CFAP58: variants seen among roughly 807,000 people sequenced by gnomAD.
CFAP58 encodes the protein cilia and flagella associated protein 58.
A neutral mutation model predicts 119.5 loss-of-function variants in CFAP58; 88 were observed. The ratio of observed to expected loss-of-function variants is 0.74; its 90% CI spans 0.62 to 0.88. The LOEUF (loss-of-function observed/expected upper bound fraction) is 0.88, where lower values mean the gene tolerates loss of function less well. Ranked by LOEUF, CFAP58 falls within the 40% of genes least tolerant of loss-of-function variation. The pLI, the probability that CFAP58 is intolerant of heterozygous loss-of-function variation, is 0.00. For synonymous variants in CFAP58, 365 were observed against 366.3 expected, an observed-to-expected ratio of 1.00 and a Z score of 0.04; for missense variants, 990 against 1,021.2, an observed-to-expected ratio of 0.97 and a Z score of 0.42.
At chr10:104,359,137 A>G (rs1340622182) in intron 2 of CFAP58, among the ~76,000 whole-genome samples, 1 of 152,154 alleles carries the variant, frequency 6.6e-6, no homozygotes, top group Non-Finnish European at 1.5e-5. Context: ...GATACTGAGG[A>G]TGTATTGCTT....
chr10:104,372,081 GGT>G (rs1233064107), intron 7 of CFAP58, among the ~76,000 whole-genome samples: 2 of 152,138 alleles, frequency 1.3e-5, no homozygotes, highest in Non-Finnish European at 2.9e-5. Context: ...GGCAAAGCAC[GGT>G]GTCTCATGCC....
At chr10:104,368,713 G>C (rs564685853) in intron 6 of CFAP58, among the ~76,000 whole-genome samples, 153 bp downstream of exon 6, 121 of 152,300 alleles carry the variant, frequency 7.9e-4, no homozygotes, top group African/African-American at 2.8e-3. Flanking sequence ...GATTGCTTTA[G>C]GCCCAGAAGC....
rs74689562 is a variant in CFAP58 at position 104,441,303 on chromosome 10, G to A, written c.2257-6395G>A. Among the ~76,000 whole-genome samples, 190 of 152,274 alleles carry A rather than the reference G, an allele frequency of 1.2e-3. No homozygotes were observed. In the East Asian group the frequency reaches 0.034, roughly 28 times the overall value. ...CAGGCGTGAGCCACCGTACCCAGCC[G>A]ACCTTACTGATCTTTGTGTGAACCT... On this transcript the variant is annotated intron_variant, in intron 15 of 17. Transcript: ENST00000369704.
At chr10:104,379,548 G>A (rs1158744036) in intron 8 of CFAP58, among the ~76,000 whole-genome samples, 1 of 152,152 alleles carries the variant, frequency 6.6e-6, no homozygotes, top group Non-Finnish European at 1.5e-5. Context: ...GTTAATTCTA[G>A]GTATCTGCAT....
intron 15 of CFAP58, among the ~76,000 whole-genome samples, chr10:104,415,607 A>G (rs2012538912): frequency 6.6e-6 from 1 of 152,150 alleles, no homozygotes; most frequent in Admixed American, 6.5e-5. Flanking sequence ...TGTCAGCTCA[A>G]AATCATGAAA....
At chr10:104,418,011 GA>G (rs915962190) in intron 15 of CFAP58, among the ~76,000 whole-genome samples, 16 of 152,202 alleles carry the variant, frequency 1.1e-4, no homozygotes, top group African/African-American at 3.6e-4. Flanking sequence ...TAAGTGATTA[GA>G]AAAAAATCAC....
At chr10:104,338,922 T>TTTTG in the CFAP58 span, among the ~76,000 whole-genome samples, 1 of 151,776 alleles carries the variant, frequency 6.6e-6, no homozygotes. Flanking sequence ...TTTTTTTTTT[T>TTTTG]GAGAAGGAGT....
At chr10:104,418,524 G>C (rs1327471375) in intron 15 of CFAP58, among the ~76,000 whole-genome samples, 4 of 152,154 alleles carry the variant, frequency 2.6e-5, no homozygotes, top group African/African-American at 9.7e-5. Flanking sequence ...GTCCGGCCTG[G>C]GTGAAAGAGC....
intron 3 of CFAP58, among the ~76,000 whole-genome samples, chr10:104,363,847 A>T (rs2014704652): frequency 6.6e-6 from 1 of 152,228 alleles, no homozygotes. Context: ...CTGCAGTGCA[A>T]GTTCTCCTCT....
intron 15 of CFAP58, among the ~76,000 whole-genome samples, chr10:104,432,041 C>A (rs2012855708): frequency 2.0e-5 from 3 of 152,078 alleles, no homozygotes; most frequent in Admixed American, 2.0e-4. Flanking sequence ...GTACAAGTTT[C>A]CTGTACACAT....
intron 15 of CFAP58, among the ~76,000 whole-genome samples, chr10:104,445,878 C>G (rs774126738): frequency 6.6e-6 from 1 of 152,174 alleles, no homozygotes; most frequent in Non-Finnish European, 1.5e-5. Context: ...GAGAATTACA[C>G]CTGTGAAACA....
chr10:104,382,174 A>G (rs1446083016), intron 9 of CFAP58: 1 of 717,224 alleles, frequency 1.4e-6, no homozygotes, highest in Non-Finnish European at 2.6e-6. Flanking sequence ...GAAATGGTGA[A>G]ACAGTGGACC....
rs558972553 is a variant in CFAP58 at position 104,440,329 on chromosome 10, A to AG, written c.2257-7368dup. ...ATAGGAAAAAAAAATTCTTTGGAAT[A>AG]GCCAATTAAGTTGAATTTTAAAAAA... is the stretch of plus-strand genomic sequence containing the variant. On this transcript the variant is annotated intron_variant, in intron 15 of 17. Transcript: ENST00000369704. 6.9e-5 allele frequency among the ~76,000 whole-genome samples: 9 copies of AG among 130,776 alleles called. No homozygotes were observed. In the South Asian group the frequency reaches 1.7e-3, roughly 24 times the overall value. 85.8% of individuals were successfully genotyped at this position (130,776 alleles called of 152,430 possible).
intron 5 of CFAP58, 72 bp downstream of exon 5, chr10:104,366,080 C>A: frequency 1.5e-6 from 2 of 1,309,808 alleles, no homozygotes; most frequent in Non-Finnish European, 2.0e-6. Context: ...CCCTTTTGTG[C>A]ATTTTGAATT....
At chr10:104,391,659 T>A (rs1389999383) in intron 9 of CFAP58, among the ~76,000 whole-genome samples, 1 of 152,198 alleles carries the variant, frequency 6.6e-6, no homozygotes, top group Non-Finnish European at 1.5e-5. Context: ...AGGCAGTAGT[T>A]CTTGCATCCC....
chr10:104,357,122 C>A (rs1266831526), intron 1 of CFAP58, among the ~76,000 whole-genome samples: 1 of 152,106 alleles, frequency 6.6e-6, no homozygotes, highest in African/African-American at 2.4e-5. Flanking sequence ...TTCAAAATAC[C>A]TTTTTGGGGG....
At chr10:104,427,570 G>T (rs1173518565) in intron 15 of CFAP58, among the ~76,000 whole-genome samples, 1 of 152,140 alleles carries the variant, frequency 6.6e-6, no homozygotes, top group Non-Finnish European at 1.5e-5. Flanking sequence ...CTCATTTAGT[G>T]CTCACACCGA....
At chr10:104,426,784 T>A (rs1379300626) in intron 15 of CFAP58, among the ~76,000 whole-genome samples, 1 of 152,230 alleles carries the variant, frequency 6.6e-6, no homozygotes, top group African/African-American at 2.4e-5. Context: ...CTTGTTTGTA[T>A]CCAACCTATC....
Position 104,380,041 on chromosome 10 carries a change from G to A in CFAP58, c.1186G>A (p.Ala396Thr). The A allele has an allele frequency of 6.2e-7, 1 of 1,613,766 alleles. No individual in the cohort carries two copies. Among genetic ancestry groups the A allele is most frequent in the Non-Finnish European group, 8.5e-7 (1 of 1,179,894 alleles). Reference sequence around the variant, plus strand: ...CCCTTATTTTTAGAACATGCTTAAGGCGGTCAATGCGACCCAGAAGCAGAC... The same window carrying A: ...CCCTTATTTTTAGAACATGCTTAAGACGGTCAATGCGACCCAGAAGCAGAC... ...RDILNKNMLK[A>T]VNATQKQTDL... The change falls in exon 9 of 18, where the codon GCG becomes ACG. Residue 396 changes from alanine to threonine, a missense_variant. By Grantham distance (58) the Ala-to-Thr change is moderately conservative. Coordinates refer to ENST00000369704, the MANE Select transcript of CFAP58 (RefSeq NM_001008723.2).
Sources: allele counts gnomAD v4.1 joint callset (sites outside exome capture counted in the v4.1 genomes callset), GRCh38; gene constraint gnomAD v4.1.1; transcripts MANE v1.5; gene names NCBI Gene and HGNC (gene_info 2026-07-23, HGNC 2026-07-21).